FAT3: variants seen among roughly 807,000 people sequenced by gnomAD.
The protein encoded by FAT3 is FAT atypical cadherin 3.
FAT3 carries 95 observed loss-of-function variants against 310.2 expected under a neutral mutation model. The ratio of observed to expected loss-of-function variants is 0.31; its 90% CI spans 0.26 to 0.36. The LOEUF (loss-of-function observed/expected upper bound fraction) is 0.36. Among genes scored for constraint, FAT3 ranks in the 10% least tolerant of loss-of-function variants. The pLI, the probability that FAT3 is intolerant of heterozygous loss-of-function variation, is 1.00. For synonymous variants in FAT3, 2,314 were observed against 2,192.9 expected, an observed-to-expected ratio of 1.06 and a Z score of -1.54; for missense variants, 5,408 against 5,715.6, an observed-to-expected ratio of 0.95 and a Z score of 1.74.
At chr11:92,507,092 T>G (rs903516897) in intron 2 of FAT3, among the ~76,000 whole-genome samples, 2 of 152,124 alleles carry the variant, frequency 1.3e-5, no homozygotes, top group African/African-American at 4.8e-5. Flanking sequence ...ACACAGTGAG[T>G]TAGTATTTAT....
chr11:92,798,388 A>T lies in FAT3; in HGVS notation c.5375A>T (p.Asp1792Val). ...APINSIVRSL[D>V]NSPLVIRATD... ...ATTAATAGCATTGTCAGGAGCTTGG[A>T]TAACAGCCCACTGGTGATTCGAGCC... is the stretch of plus-strand genomic sequence containing the variant. The change falls in exon 10 of 28, where the codon GAT (aspartate) becomes GTT (valine). Residue 1792 changes from aspartate to valine, a missense_variant. Around this residue, in one of 5 missense-constraint regions of FAT3, gnomAD observed 4,588 missense variants for 4,809.8 expected, o/e 0.95. Coordinates refer to ENST00000525166, the MANE Select transcript of FAT3 (RefSeq NM_001367949.2). 1 of 1,613,324 alleles carries T rather than the reference A, an allele frequency of 6.2e-7. No homozygotes were observed. The highest frequency in any genetic ancestry group is 1.1e-5 in the South Asian group (1 of 91,040).
intron 2 of FAT3, among the ~76,000 whole-genome samples, chr11:92,370,656 T>G (rs1949161191): frequency 6.6e-6 from 1 of 152,236 alleles, no homozygotes. Context: ...CATGTACTCT[T>G]TCTTTCATCT....
chr11:92,348,693 A>G (rs1388341687), intron 1 of FAT3, among the ~76,000 whole-genome samples: 2 of 152,188 alleles, frequency 1.3e-5, no homozygotes, highest in African/African-American at 2.4e-5. Flanking sequence ...AACCTGGGAA[A>G]CTTGAGTCCT....
chr11:92,589,212 C>CCTGGA (rs539846293), intron 3 of FAT3, among the ~76,000 whole-genome samples: 109 of 152,122 alleles, frequency 7.2e-4, no homozygotes, highest in Admixed American at 3.5e-3. Context: ...TTGGAAGTGA[C>CCTGGA]CTGGAAGTCA....
intron 3 of FAT3, among the ~76,000 whole-genome samples, chr11:92,586,000 A>T (rs7924561): frequency 0.042 from 6,444 of 151,976 alleles, 383 homozygotes; most frequent in African/African-American, 0.13. Context: ...AGCTGGAGGA[A>T]GGAAGCTACA....
In FAT3 at chr11:92,224,859, G is replaced by A. The variant is rs1301512662; in HGVS notation, c.-333G>A. Among the ~76,000 whole-genome samples, 1 of 152,034 alleles carries A rather than the reference G, an allele frequency of 6.6e-6. No individual in the cohort carries two copies. Among genetic ancestry groups the A allele is most frequent in the African/African-American group, 2.4e-5 (1 of 41,400 alleles). ...GCAGCTCGGAGCAGACAGGAGAGCC[G>A]GCGCTCCTCCCCGCAGGCTGCGCTG... On this transcript the variant is annotated 5_prime_UTR_variant, in exon 1 of 28. Coordinates refer to ENST00000525166, the MANE Select transcript of FAT3 (RefSeq NM_001367949.2).
intron 3 of FAT3, among the ~76,000 whole-genome samples, chr11:92,657,460 G>C (rs2135782175): frequency 6.6e-6 from 1 of 152,338 alleles, no homozygotes; most frequent in Middle Eastern, 3.4e-3. Flanking sequence ...GGACTCTGAG[G>C]TAGCCAAGTT....
In FAT3 at chr11:92,365,562, T is replaced by C. The variant is rs1343140229; in HGVS notation, c.3292+10158T>C. Among the ~76,000 whole-genome samples the C allele has an allele frequency of 2.0e-5, 3 of 152,186 alleles. No individual in the cohort carries two copies. In the East Asian group the frequency reaches 5.8e-4, roughly 29 times the overall value. ...TTATGGAGCTTTGCACTGAAGAGGA[T>C]GTATAGATGATTTTTAATTGCATAT... On this transcript the variant is annotated intron_variant, in intron 2 of 27. Transcript: ENST00000525166.
chr11:92,414,766 TTTGGGAG>T (rs1364669108), intron 2 of FAT3, among the ~76,000 whole-genome samples: 2 of 152,048 alleles, frequency 1.3e-5, no homozygotes, highest in African/African-American at 4.8e-5. Context: ...ATCCCAGCAC[TTTGGGAG>T]GCTGAGGCGG....
chr11:92,764,814 C>A, intron 5 of FAT3, 65 bp from the exon 6 acceptor site: 1 of 1,471,828 alleles, frequency 6.8e-7, no homozygotes, highest in Non-Finnish European at 9.3e-7. Flanking sequence ...ACATGAGTGA[C>A]AGATCCAAAC....
At position 92,743,048 on chromosome 11, in the gene FAT3, T is replaced by A. The variant is rs144667025; in HGVS notation, c.3670-18808T>A. The stretch of plus-strand genomic sequence containing the variant: ...GTAATTAAGCACTTCTTAAAGTATG[T>A]TCCTTGAAATATCAGACCTACAGCC... On this transcript the variant is annotated intron_variant, in intron 4 of 27. Coordinates refer to ENST00000525166, the MANE Select transcript of FAT3 (RefSeq NM_001367949.2). Among the ~76,000 whole-genome samples, 1,228 of 152,334 alleles carry A rather than the reference T, an allele frequency of 8.1e-3. 30 individuals carry two copies. Among genetic ancestry groups the A allele is most frequent in the African/African-American group, 0.028 (1,166 of 41,576 alleles).
At position 92,415,849 on chromosome 11, in the gene FAT3, C is replaced by CTTTTTTTTTTTTTTTT. The variant is rs1196695394; in HGVS notation, c.3292+60454_3292+60469dup. ...CAATCTTTTAGCATAAGCATTTTTG[C>CTTTTTTTTTTTTTTTT]TTTTTTTTTTTTTTTTTTTTTTTTA... On this transcript the variant is annotated intron_variant, in intron 2 of 27. Coordinates refer to ENST00000525166, the MANE Select transcript of FAT3 (RefSeq NM_001367949.2). Among the ~76,000 whole-genome samples, 21 of 70,404 alleles carry CTTTTTTTTTTTTTTTT rather than the reference C, an allele frequency of 3.0e-4. 1 individual carries two copies. Among genetic ancestry groups the CTTTTTTTTTTTTTTTT allele is most frequent in the South Asian group, 5.3e-4 (1 of 1,894 alleles). The allele number at this position is 70,404 out of a possible 152,430, so 46.2% of individuals were successfully genotyped here.
chr11:92,356,510 C>T (rs1164405959), intron 2 of FAT3, among the ~76,000 whole-genome samples: 5 of 152,160 alleles, frequency 3.3e-5, no homozygotes, highest in Non-Finnish European at 5.9e-5. Flanking sequence ...GATCAGGGCA[C>T]CAGCACAGTC....
intron 9 of FAT3, among the ~76,000 whole-genome samples, chr11:92,793,960 A>G (rs1947100705): frequency 6.6e-6 from 1 of 152,170 alleles, no homozygotes. Context: ...TCTTTCATTG[A>G]ATGATAACTT....
chr11:92,293,040 G>A (rs113181042), intron 1 of FAT3, among the ~76,000 whole-genome samples: 19 of 126,208 alleles, frequency 1.5e-4, no homozygotes, highest in African/African-American at 5.9e-4. Context: ...AAGGAAGGAA[G>A]GAAGGAAGGA....
intron 2 of FAT3, among the ~76,000 whole-genome samples, chr11:92,496,601 T>C (rs189591673): frequency 1.0e-3 from 156 of 152,152 alleles, no homozygotes; most frequent in African/African-American, 3.7e-3. Flanking sequence ...TATGTGCTGC[T>C]AGGTTGTAAC....
In FAT3 at chr11:92,789,879, C is replaced by G. The variant is rs910708083; in HGVS notation, c.4336-64C>G. 1.7e-5 allele frequency: 27 copies of G among 1,543,636 alleles called. No individual in the cohort carries two copies. The African/African-American group carries it at 3.7e-4, about 21-fold the overall frequency. On this transcript the variant is annotated intron_variant, in intron 7 of 27. Coordinates refer to ENST00000525166, the MANE Select transcript of FAT3 (RefSeq NM_001367949.2). ...GAAGCGGGGAGAAAAAGAGGGAGGG[C>G]ATACTTTTATTAGCAGTGAGCAAAT...
chr11:92,752,185 T>C (rs979331796), intron 4 of FAT3, among the ~76,000 whole-genome samples: 1 of 152,264 alleles, frequency 6.6e-6, no homozygotes, highest in Non-Finnish European at 1.5e-5. Context: ...AATATGTTAT[T>C]GCAGCATGGC....
intron 3 of FAT3, among the ~76,000 whole-genome samples, chr11:92,654,896 A>C (rs191981869): frequency 6.6e-6 from 1 of 152,296 alleles, no homozygotes; most frequent in Admixed American, 6.5e-5. Context: ...AATATCCTAC[A>C]TGACCTCACC....
Sources: gnomAD v4.1 joint callset for allele counts (sites outside exome capture counted in the v4.1 genomes callset) on GRCh38, gnomAD v4.1.1 for gene constraint, gnomAD v4.1.1 regional missense constraint, MANE v1.5 for transcripts, NCBI Gene and HGNC (gene_info 2026-07-23, HGNC 2026-07-21) for gene names.